The following SNTG1 variants were observed in gnomAD, a reference collection of about 807,000 sequenced individuals.
The protein encoded by SNTG1 is gamma-1-syntrophin.
In SNTG1, 39 loss-of-function variants were observed where a neutral mutation model predicts 74.7. The observed-to-expected ratio is 0.52, with a 90% CI of 0.40 to 0.68. The LOEUF is 0.68. SNTG1 is among the 30% of genes least tolerant of loss of function. The pLI is 0.00. For synonymous variants in SNTG1, 254 were observed against 217.1 expected, an observed-to-expected ratio of 1.17 and a Z score of -1.49; for missense variants, 685 against 609.5, an observed-to-expected ratio of 1.12 and a Z score of -1.30.
chr8:49,935,523 CAA>C (rs59390567), intron 1 of SNTG1, among the ~76,000 whole-genome samples: 38 of 75,580 alleles, frequency 5.0e-4, no homozygotes, highest in Non-Finnish European at 6.9e-4. Context: ...AGATGTAAAC[CAA>C]AAAAAAAAAA....
chr8:50,648,104 G>A (rs1210452203), intron 13 of SNTG1, among the ~76,000 whole-genome samples: 1 of 152,096 alleles, frequency 6.6e-6, no homozygotes, highest in Non-Finnish European at 1.5e-5. Context: ...ATAGTAAACG[G>A]GAAGGTGAAT....
chr8:50,010,550 T>C (rs1815680567), intron 1 of SNTG1, among the ~76,000 whole-genome samples: 2 of 152,150 alleles, frequency 1.3e-5, no homozygotes, highest in Admixed American at 1.3e-4. Context: ...AAAAATCATA[T>C]ACCCTAAAGA....
intron 12 of SNTG1, among the ~76,000 whole-genome samples, chr8:50,554,481 T>TC (rs1290466799): frequency 6.6e-6 from 1 of 151,886 alleles, no homozygotes; most frequent in African/African-American, 2.4e-5. Flanking sequence ...ATTTTCCTTT[T>TC]TTTTTTTTTT....
intron 15 of SNTG1, among the ~76,000 whole-genome samples, chr8:50,672,049 TG>T (rs974437610): frequency 5.7e-5 from 3 of 52,286 alleles, no homozygotes; most frequent in African/African-American, 8.3e-5. Flanking sequence ...TGTTGTGGGG[TG>T]GGGGGAGGGG....
Position 50,309,021 on chromosome 8 carries a change from G to T in SNTG1, c.-27-85191G>T, listed in dbSNP as rs149262510. Among the ~76,000 whole-genome samples the T allele has an allele frequency of 8.2e-3, 1,250 of 152,068 alleles. 21 individuals carry two copies. The highest frequency in any genetic ancestry group is 0.029 in the African/African-American group (1,185 of 41,472). On this transcript the variant is annotated intron_variant, in intron 2 of 18. Coordinates refer to ENST00000642720, the MANE Select transcript of SNTG1 (RefSeq NM_018967.5). ...GGCTTTCCTGATAGAACACAAATGT[G>T]TCTTCCCAAATTCTAGGCATTTATA... is the stretch of plus-strand genomic sequence containing the variant.
At chr8:50,193,679 T>C (rs892542412) in intron 2 of SNTG1, among the ~76,000 whole-genome samples, 1 of 152,120 alleles carries the variant, frequency 6.6e-6, no homozygotes, top group African/African-American at 2.4e-5. Context: ...TTTTGTATGA[T>C]TGCTCTGACT....
At chr8:50,298,388 A>C (rs928788601) in intron 2 of SNTG1, among the ~76,000 whole-genome samples, 1 of 152,122 alleles carries the variant, frequency 6.6e-6, no homozygotes, top group African/African-American at 2.4e-5. Flanking sequence ...GATGTTTCCA[A>C]AGATGCACTC....
chr8:50,415,421 T>C (rs956181098), intron 4 of SNTG1, among the ~76,000 whole-genome samples: 1 of 152,102 alleles, frequency 6.6e-6, no homozygotes, highest in Non-Finnish European at 1.5e-5. Context: ...AACGTAAATA[T>C]AAGGTTAATG....
At chr8:50,780,084 G>A (rs1009226024) in intron 18 of SNTG1, among the ~76,000 whole-genome samples, 5 of 152,160 alleles carry the variant, frequency 3.3e-5, no homozygotes, top group African/African-American at 4.8e-5. Flanking sequence ...GCTTTTTGAT[G>A]TGCTGCTGGA....
At chr8:49,910,565 G>T (rs533562797), upstream of SNTG1, among the ~76,000 whole-genome samples, 10 of 152,250 alleles carry the variant, frequency 6.6e-5, no homozygotes, top group African/African-American at 2.4e-4. Flanking sequence ...GTCTGCACCC[G>T]TTGCCGAGTG....
chr8:50,033,761 T>C (rs552457359), intron 1 of SNTG1, among the ~76,000 whole-genome samples: 1 of 152,292 alleles, frequency 6.6e-6, no homozygotes, highest in South Asian at 2.1e-4. Flanking sequence ...AACGACCTCA[T>C]TTTAACTCCA....
intron 15 of SNTG1, among the ~76,000 whole-genome samples, chr8:50,675,262 G>A (rs761342508): frequency 2.6e-5 from 4 of 152,104 alleles, no homozygotes; most frequent in Admixed American, 1.3e-4. Context: ...TGACAACTGG[G>A]TGTTAAAGTC....
chr8:49,942,446 C>A (rs1266642578), intron 1 of SNTG1, among the ~76,000 whole-genome samples: 4 of 152,084 alleles, frequency 2.6e-5, no homozygotes, highest in African/African-American at 9.7e-5. Context: ...GGTATATTTT[C>A]TAAAATTAAT....
chr8:50,128,699 G>C (rs2081222771), intron 1 of SNTG1, among the ~76,000 whole-genome samples: 1 of 152,080 alleles, frequency 6.6e-6, no homozygotes, highest in South Asian at 2.1e-4. Flanking sequence ...TTCATGGAGT[G>C]TTGAAAAGTA....
At chr8:50,182,618 G>T (rs1373192722) in intron 2 of SNTG1, among the ~76,000 whole-genome samples, 4 of 151,868 alleles carry the variant, frequency 2.6e-5, no homozygotes, top group Non-Finnish European at 5.9e-5. Flanking sequence ...ATGTGATTTG[G>T]CACGTGCGTG....
intron 8 of SNTG1, among the ~76,000 whole-genome samples, chr8:50,473,587 C>T (rs116793647): frequency 2.0e-4 from 31 of 152,198 alleles, no homozygotes; most frequent in African/African-American, 6.5e-4. Flanking sequence ...AAAGAATTGA[C>T]GGCAGTTGTG....
At chr8:50,300,908 C>G (rs1563865624) in intron 2 of SNTG1, among the ~76,000 whole-genome samples, 1 of 152,142 alleles carries the variant, frequency 6.6e-6, no homozygotes, top group African/African-American at 2.4e-5. Flanking sequence ...TGCCTTCTGA[C>G]TTCATTTTAG....
intron 1 of SNTG1, among the ~76,000 whole-genome samples, chr8:50,115,572 A>AG (rs2080783644): frequency 7.0e-6 from 1 of 142,860 alleles, no homozygotes; most frequent in Non-Finnish European, 1.5e-5. Flanking sequence ...TGTCTCAAAA[A>AG]AAAAAAAAAA....
At chr8:50,292,701 G>A (rs1451679098) in intron 2 of SNTG1, among the ~76,000 whole-genome samples, 2 of 152,118 alleles carry the variant, frequency 1.3e-5, no homozygotes, top group African/African-American at 4.8e-5. Context: ...AAGATGACCA[G>A]GGCATGGGAG....
Sources: gnomAD v4.1 joint callset for allele counts (sites outside exome capture counted in the v4.1 genomes callset) on GRCh38, gnomAD v4.1.1 for gene constraint, MANE v1.5 for transcripts, NCBI Gene and HGNC (gene_info 2026-07-23, HGNC 2026-07-21) for gene names.